PHACTR4: variants seen among roughly 807,000 people sequenced by gnomAD.
PHACTR4 encodes protein phosphatase 1, regulatory subunit 124.
In PHACTR4, 51 loss-of-function variants were observed where a neutral mutation model predicts 72.7. The observed-to-expected ratio is 0.70, with a 90% CI of 0.56 to 0.89. The LOEUF is 0.89. Among genes scored for constraint, PHACTR4 ranks in the 40% least tolerant of loss-of-function variants. The pLI, the probability that PHACTR4 is intolerant of heterozygous loss-of-function variation, is 0.00. For missense variants in PHACTR4, 731 were observed against 861.8 expected (o/e 0.85, Z 1.90); for synonymous variants, 255 against 302.5 (o/e 0.84, Z 1.63).
intron 8 of PHACTR4, among the ~76,000 whole-genome samples, 186 bp from the exon 9 acceptor site, chr1:28,480,265 G>T (rs1160797789): frequency 6.6e-6 from 1 of 152,194 alleles, no homozygotes. Context: ...AGTCCACCTG[G>T]CTAAAAAGAT....
chr1:28,393,762 A>G (rs745658639), intron 1 of PHACTR4, among the ~76,000 whole-genome samples: 7 of 151,774 alleles, frequency 4.6e-5, no homozygotes, highest in South Asian at 2.1e-4. Flanking sequence ...CTGGAGTGCA[A>G]TGGCACAATT....
At chr1:28,391,533 G>A (rs1426848760) in intron 1 of PHACTR4, among the ~76,000 whole-genome samples, 1 of 149,160 alleles carries the variant, frequency 6.7e-6, no homozygotes, top group South Asian at 2.1e-4. Context: ...TAAAATTTCT[G>A]TTAGACAGAA....
At chr1:28,458,340 G>A (rs993616937) in intron 2 of PHACTR4, among the ~76,000 whole-genome samples, 29 of 152,088 alleles carry the variant, frequency 1.9e-4, no homozygotes, top group African/African-American at 7.0e-4. Context: ...TAGAGACAGG[G>A]TTTCACCTTA....
At chr1:28,428,310 G>A (rs1656004470) in intron 2 of PHACTR4, among the ~76,000 whole-genome samples, 1 of 152,042 alleles carries the variant, frequency 6.6e-6, no homozygotes, top group African/African-American at 2.4e-5. Flanking sequence ...TGACTTTACT[G>A]GACCTTAAGG....
rs1553206820 is a variant in PHACTR4, at chr1:28,491,220, A to AAAG, written c.1878+217_1878+219dup. 9.9e-4 allele frequency among the ~76,000 whole-genome samples: 149 copies of AAAG among 150,858 alleles called. 1 individual carries two copies. The highest frequency in any genetic ancestry group is 3.5e-3 in the African/African-American group (143 of 40,748). ...CTTGTGTCTACATTAAAAAAAAAAA[A>AAAG]AAGAAGAAGAAAGAAAAGAAAAAGA... On this transcript the variant is annotated intron_variant, in intron 11 of 13. Coordinates refer to ENST00000373839, the MANE Select transcript of PHACTR4 (RefSeq NM_001048183.3).
chr1:28,446,286 G>T (rs1657461582), intron 2 of PHACTR4, among the ~76,000 whole-genome samples: 1 of 152,108 alleles, frequency 6.6e-6, no homozygotes, highest in African/African-American at 2.4e-5. Context: ...CCCTCTCTCT[G>T]CTCCAGTGGA....
At chr1:28,390,624 C>G (rs1652935937) in intron 1 of PHACTR4, among the ~76,000 whole-genome samples, 1 of 151,498 alleles carries the variant, frequency 6.6e-6, no homozygotes, top group Non-Finnish European at 1.5e-5. Context: ...ACCCCTATCT[C>G]TACTAAAAGT....
intron 1 of PHACTR4, among the ~76,000 whole-genome samples, chr1:28,401,868 C>A (rs900982428): frequency 6.6e-6 from 1 of 152,082 alleles, no homozygotes; most frequent in Admixed American, 6.6e-5. Context: ...GAAAGTACTG[C>A]GATTATAGCC....
At chr1:28,405,482 A>G (rs1654253923) in intron 1 of PHACTR4, among the ~76,000 whole-genome samples, 1 of 151,768 alleles carries the variant, frequency 6.6e-6, no homozygotes, top group Admixed American at 6.6e-5. Context: ...ACAGGCCACC[A>G]TGCCCAGCTA....
rs369533652 is a variant in PHACTR4, at chr1:28,409,302, A to G, written c.16+1839A>G. Among the ~76,000 whole-genome samples the G allele has an allele frequency of 1.8e-4, 28 of 152,114 alleles. 1 individual carries two copies. In the South Asian group the frequency reaches 5.8e-3, roughly 32 times the overall value. On this transcript the variant is annotated intron_variant, in intron 2 of 13. Transcript: ENST00000373839. Reference sequence around the variant, plus strand: ...AAGGGGTGAAGAAGACTGAGTAAAGAGGCTGTTGCATTCAGCATTAATTAT... The same window carrying G: ...AAGGGGTGAAGAAGACTGAGTAAAGGGGCTGTTGCATTCAGCATTAATTAT...
intron 2 of PHACTR4, among the ~76,000 whole-genome samples, chr1:28,419,131 G>A (rs67558364): frequency 0.25 from 36,943 of 146,672 alleles, 4,812 homozygotes; most frequent in Middle Eastern, 0.34. Context: ...TTTGGTGCCC[G>A]CCCCCATGCC....
At chr1:28,468,822 T>G (rs1212170063) in intron 6 of PHACTR4, among the ~76,000 whole-genome samples, 2 of 152,200 alleles carry the variant, frequency 1.3e-5, no homozygotes, top group African/African-American at 4.8e-5. Flanking sequence ...GGTTCCCAGA[T>G]GACACTGATG....
intron 1 of PHACTR4, among the ~76,000 whole-genome samples, chr1:28,371,758 T>TA (rs999618157): frequency 8.9e-4 from 136 of 152,104 alleles, no homozygotes; most frequent in African/African-American, 3.2e-3. Flanking sequence ...CGCAGCTAAT[T>TA]AAAAAAATTT....
intron 1 of PHACTR4, among the ~76,000 whole-genome samples, chr1:28,371,795 G>A (rs2124086892): frequency 6.6e-6 from 1 of 152,032 alleles, no homozygotes; most frequent in South Asian, 2.1e-4. Flanking sequence ...ATTGATTGGG[G>A]TCCCACTCTG....
At chr1:28,448,819 A>G (rs1382638786) in intron 2 of PHACTR4, among the ~76,000 whole-genome samples, 1 of 136,052 alleles carries the variant, frequency 7.4e-6, no homozygotes, top group African/African-American at 2.7e-5. Context: ...GAGAGTTCAT[A>G]CAGATCCAAT....
At position 28,496,728 on chromosome 1, in the gene PHACTR4, C is replaced by CG. The variant is rs1661385994; in HGVS notation, c.*184dup. ...TGGAACAGAGTCTTATGTGCTGCAC[C>CG]GGGGGCAAAACAACACTTTGTCAGT... On this transcript the variant is annotated 3_prime_UTR_variant, in exon 14 of 14. Coordinates refer to ENST00000373839, the MANE Select transcript of PHACTR4 (RefSeq NM_001048183.3). 1.4e-6 allele frequency: 1 copy of CG among 699,254 alleles called. No individual in the cohort carries two copies. Among genetic ancestry groups the CG allele is most frequent in the South Asian group, 1.7e-5 (1 of 58,124 alleles). The allele number at this position is 699,254 out of a possible 1,614,324, so 43.3% of individuals were successfully genotyped here.
chr1:28,421,396 T>G (rs1365424037), intron 2 of PHACTR4, among the ~76,000 whole-genome samples: 1 of 151,830 alleles, frequency 6.6e-6, no homozygotes, highest in Non-Finnish European at 1.5e-5. Flanking sequence ...TTTTTTTGTT[T>G]TTTTTTTTTT....
chr1:28,467,900 G>A (rs1659303370), intron 6 of PHACTR4, among the ~76,000 whole-genome samples: 1 of 152,098 alleles, frequency 6.6e-6, no homozygotes, highest in South Asian at 2.1e-4. Flanking sequence ...GAAAGGGAGA[G>A]GAAAGCTAAT....
intron 1 of PHACTR4, among the ~76,000 whole-genome samples, chr1:28,371,680 C>G (rs557201410): frequency 7.2e-5 from 11 of 152,050 alleles, no homozygotes; most frequent in African/African-American, 2.7e-4. Flanking sequence ...CTCACTGCAG[C>G]CTGGACCTCC....
Sources: gnomAD v4.1 joint callset for allele counts (sites outside exome capture counted in the v4.1 genomes callset) on GRCh38, gnomAD v4.1.1 for gene constraint, MANE v1.5 for transcripts, NCBI Gene and HGNC (gene_info 2026-07-23, HGNC 2026-07-21) for gene names.